BTBD8: variants seen among roughly 807,000 people sequenced by gnomAD.
The protein encoded by BTBD8 is BTB/POZ domain-containing protein 8.
Under a neutral mutation model 162.9 loss-of-function variants are expected in BTBD8, and 110 were observed. That is an observed-to-expected ratio of 0.68 (90% CI 0.58 to 0.79). The LOEUF is 0.79. BTBD8 is among the 30% of genes least tolerant of loss of function. The pLI is 0.00. For missense variants in BTBD8, 1,905 were observed against 2,085.4 expected, an observed-to-expected ratio of 0.91 and a Z score of 1.68; for synonymous variants, 667 against 716.1, an observed-to-expected ratio of 0.93 and a Z score of 1.10.
At chr1:92,167,660 TA>T (rs1650419321) in intron 10 of BTBD8, among the ~76,000 whole-genome samples, 187 bp from the exon 11 acceptor site, 1 of 152,160 alleles carries the variant, frequency 6.6e-6, no homozygotes, top group Non-Finnish European at 1.5e-5. Flanking sequence ...TAAAGTATAA[TA>T]AAAATAAATA....
At chr1:92,138,519 G>T (rs1053352874) in intron 5 of BTBD8, among the ~76,000 whole-genome samples, 7 of 152,212 alleles carry the variant, frequency 4.6e-5, no homozygotes, top group African/African-American at 1.7e-4. Context: ...CTGAGAGAAA[G>T]TTTGAATCTG....
chr1:92,080,796 G>A (rs1382609936), intron 1 of BTBD8, 76 bp downstream of exon 1: 9 of 1,534,598 alleles, frequency 5.9e-6, no homozygotes. Flanking sequence ...GGCTTCTTTC[G>A]GCTCTGCCTC....
chr1:92,133,581 T>C (rs1649562179), intron 5 of BTBD8, among the ~76,000 whole-genome samples: 1 of 152,246 alleles, frequency 6.6e-6, no homozygotes, highest in Non-Finnish European at 1.5e-5. Context: ...ACCATATTTT[T>C]AGTGAGTTAG....
At chr1:92,131,001 G>A (rs188451354) in intron 5 of BTBD8, among the ~76,000 whole-genome samples, 1 of 152,300 alleles carries the variant, frequency 6.6e-6, no homozygotes, top group Non-Finnish European at 1.5e-5. Context: ...ACTGCGCTTG[G>A]CCTACGTTCA....
At chr1:92,091,902 C>T (rs1648312295) in intron 2 of BTBD8, among the ~76,000 whole-genome samples, 1 of 152,160 alleles carries the variant, frequency 6.6e-6, no homozygotes, top group Non-Finnish European at 1.5e-5. Flanking sequence ...ATTTTTCCTC[C>T]TCCTCTCCCT....
intron 4 of BTBD8, among the ~76,000 whole-genome samples, chr1:92,110,942 A>G (rs1395246395): frequency 6.6e-6 from 1 of 151,532 alleles, no homozygotes; most frequent in African/African-American, 2.4e-5. Context: ...TCTATGTTCC[A>G]TAATTAAAAT....
Position 92,080,648 on chromosome 1 carries a change from A to G in BTBD8, c.77A>G (p.Gln26Arg), listed in dbSNP as rs766471425. ...GSAGVCSKGLQRKGPCERRRL... is the reference protein window; with the variant it reads ...GSAGVCSKGLRRKGPCERRRL... ...GCTGGAGTTTGCAGTAAGGGGTTGC[A>G]AAGGAAGGGGCCGTGTGAGCGGCGC... Residue 26 changes from glutamine to arginine, a missense_variant, in exon 1 of 18, where the codon CAA becomes CGA. This residue lies in a region of BTBD8 where 1,374 missense variants were observed against 1,442.7 expected (regional missense o/e 0.95). Coordinates refer to ENST00000636805, the MANE Select transcript of BTBD8 (RefSeq NM_001376131.1). 1 of 1,613,736 alleles carries G rather than the reference A, an allele frequency of 6.2e-7. No individual in the cohort carries two copies. Among genetic ancestry groups the G allele is most frequent in the East Asian group, 2.2e-5 (1 of 44,842 alleles).
intron 6 of BTBD8, 51 bp downstream of exon 6, chr1:92,139,481 T>C (rs1649716272): frequency 6.3e-7 from 1 of 1,576,320 alleles, no homozygotes; most frequent in Admixed American, 1.9e-5. Flanking sequence ...AGGTTCTGCT[T>C]TGTTGAGCTG....
At chr1:92,122,660 G>A (rs1171335048) in intron 4 of BTBD8, among the ~76,000 whole-genome samples, 2 of 152,032 alleles carry the variant, frequency 1.3e-5, no homozygotes, top group Non-Finnish European at 2.9e-5. Flanking sequence ...CGCCCCTCAG[G>A]TTCAAGAGAT....
Position 92,169,114 on chromosome 1 carries a change from A to T in BTBD8, c.1573+119A>T, listed in dbSNP as rs760879960. On this transcript the variant is annotated intron_variant, in intron 12 of 17. Transcript: ENST00000636805. ...TTGTGTGCTTCTGTTGGATAATAGGATAACTGAAACTGGTGCTCATATGTT... is the reference window on the plus strand; with the variant it reads ...TTGTGTGCTTCTGTTGGATAATAGGTTAACTGAAACTGGTGCTCATATGTT... 4.1e-6 allele frequency: 4 copies of T among 973,618 alleles called. No homozygotes were observed. The African/African-American group carries it at 6.4e-5, about 16-fold the overall frequency. The allele number at this position is 973,618 out of a possible 1,614,324, so 60.3% of individuals were successfully genotyped here.
In BTBD8 at chr1:92,180,436, C is replaced by T. The variant is rs1225556977; in HGVS notation, c.2753C>T (p.Ala918Val). The change falls in exon 17 of 18, where the codon GCA becomes GTA. Residue 918 changes from alanine to valine, a missense_variant. By Grantham distance (64) the Ala-to-Val change is moderately conservative (BLOSUM62 0). This residue lies in a region of BTBD8 where 1,374 missense variants were observed against 1,442.7 expected (regional missense o/e 0.95). Transcript: ENST00000636805. Reference protein sequence around the residue: ...ALPKVNAKIVAMPKNLNQSKK... With the variant: ...ALPKVNAKIVVMPKNLNQSKK... ...CCTAAGGTTAATGCAAAAATAGTGG[C>T]AATGCCTAAAAATCTAAATCAGTCA... 6.4e-7 allele frequency: 1 copy of T among 1,551,124 alleles called. No homozygotes were observed. The highest frequency in any genetic ancestry group is 8.7e-7 in the Non-Finnish European group (1 of 1,146,794).
At chr1:92,111,137 G>A (rs548376845) in intron 4 of BTBD8, among the ~76,000 whole-genome samples, 41 of 151,488 alleles carry the variant, frequency 2.7e-4, no homozygotes, top group Non-Finnish European at 4.9e-4. Flanking sequence ...GTTTACAGGC[G>A]CACACCACCA....
In BTBD8 at chr1:92,127,780, T is replaced by A. The variant is rs928544467; in HGVS notation, c.663-1907T>A. Among the ~76,000 whole-genome samples, 15 of 152,104 alleles carry A rather than the reference T, an allele frequency of 9.9e-5. 1 individual carries two copies. Among genetic ancestry groups the A allele is most frequent in the Admixed American group, 8.5e-4 (13 of 15,274 alleles). ...TTTACCATGTTGGCCAGGCTAGTCATGAACTGCTGACTTCAAGTGATCCGC... is the reference window on the plus strand; with the variant it reads ...TTTACCATGTTGGCCAGGCTAGTCAAGAACTGCTGACTTCAAGTGATCCGC... On this transcript the variant is annotated intron_variant, in intron 4 of 17. Coordinates refer to ENST00000636805, the MANE Select transcript of BTBD8 (RefSeq NM_001376131.1).
chr1:92,149,393 A>G (rs955935796), intron 9 of BTBD8, among the ~76,000 whole-genome samples: 6 of 152,330 alleles, frequency 3.9e-5, no homozygotes, highest in African/African-American at 1.2e-4. Context: ...AAGGGTTAGC[A>G]TATTTGTTGT....
At chr1:92,175,953 T>C (rs1650699555) in intron 13 of BTBD8, among the ~76,000 whole-genome samples, 1 of 152,178 alleles carries the variant, frequency 6.6e-6, no homozygotes, top group South Asian at 2.1e-4. Context: ...TTCAGTGCCA[T>C]TTTATTTGTC....
chr1:92,122,744 TAGTA>T (rs1198629026), intron 4 of BTBD8, among the ~76,000 whole-genome samples: 4 of 151,994 alleles, frequency 2.6e-5, no homozygotes, highest in Non-Finnish European at 5.9e-5. Context: ...TTTGTACTTG[TAGTA>T]GAGACTGGGT....
rs142196076 is a variant in BTBD8, at chr1:92,109,313, C to G, written c.662+1312C>G. On this transcript the variant is annotated intron_variant, in intron 4 of 17. Coordinates refer to ENST00000636805, the MANE Select transcript of BTBD8 (RefSeq NM_001376131.1). The stretch of plus-strand genomic sequence containing the variant: ...AAAAATTAATTTTATTTTGTGTCCA[C>G]GTTTTTCATGAGACCATGTGGGCAT... Among the ~76,000 whole-genome samples the G allele has an allele frequency of 1.7e-3, 261 of 150,460 alleles. 3 individuals are homozygous for G. Among genetic ancestry groups the G allele is most frequent in the African/African-American group, 5.8e-3 (238 of 40,850 alleles).
rs930911118 is a variant in BTBD8 at position 92,181,175 on chromosome 1, A to C, written c.3492A>C (p.Lys1164Asn). ...NGTLNSAQED[K>N]KSKVPVEGLT... The stretch of plus-strand genomic sequence containing the variant: ...CCTTAAATTCTGCTCAAGAAGACAA[A>C]AAATCGAAAGTTCCTGTGGAAGGAC... The change falls in exon 17 of 18, where the codon AAA becomes AAC. Residue 1164 changes from lysine to asparagine, a missense_variant. Lys to Asn is a moderately conservative substitution (Grantham distance 94). Around this residue, in one of 3 missense-constraint regions of BTBD8, gnomAD observed 1,374 missense variants for 1,442.7 expected, o/e 0.95. Transcript: ENST00000636805. The C allele has an allele frequency of 3.0e-5, 47 of 1,551,588 alleles. No homozygotes were observed. Among genetic ancestry groups the C allele is most frequent in the Non-Finnish European group, 3.8e-5 (44 of 1,146,998 alleles).
chr1:92,165,706 TGGGGGCTGAGCTG>T (rs1650369080), intron 9 of BTBD8, among the ~76,000 whole-genome samples: 1 of 152,114 alleles, frequency 6.6e-6, no homozygotes, highest in Admixed American at 6.5e-5. Flanking sequence ...TGCATTCAGC[TGGGGGCTGAGCTG>T]GGGGGCTGGT....
Sources: gnomAD v4.1 joint callset for allele counts (sites outside exome capture counted in the v4.1 genomes callset) on GRCh38, gnomAD v4.1.1 for gene constraint, gnomAD v4.1.1 regional missense constraint, MANE v1.5 for transcripts, NCBI Gene and HGNC (gene_info 2026-07-23, HGNC 2026-07-21) for gene names.